The following INPP4B variants were observed in gnomAD, a reference collection of about 807,000 sequenced individuals.
The protein encoded by INPP4B is inositol polyphosphate 4-phosphatase type II.
INPP4B carries 55 observed loss-of-function variants against 122.5 expected under a neutral mutation model. The ratio of observed to expected loss-of-function variants is 0.45; its 90% CI spans 0.36 to 0.56. The LOEUF (loss-of-function observed/expected upper bound fraction) is 0.56, where lower values mean the gene tolerates loss of function less well. Among genes scored for constraint, INPP4B ranks in the 20% least tolerant of loss-of-function variants. INPP4B has a pLI of 0.00. For missense variants in INPP4B, 1,000 were observed against 1,097.7 expected (o/e 0.91, Z 1.26); for synonymous variants, 403 against 388.7 (o/e 1.04, Z -0.43).
chr4:142,518,905 A>G (rs1193318057), intron 2 of INPP4B: 4 of 152,190 alleles, frequency 2.6e-5, no homozygotes, highest in Non-Finnish European at 5.9e-5. Context: ...GCCAAGCTAG[A>G]ATCACTCAGC....
At chr4:142,642,626 T>G (rs1349518589) in intron 2 of INPP4B, among the ~76,000 whole-genome samples, 2 of 152,230 alleles carry the variant, frequency 1.3e-5, no homozygotes, top group Admixed American at 6.5e-5. Flanking sequence ...CATTGGTCTA[T>G]ATCTCTGTTT....
At chr4:142,371,102 AAG>A (rs1276909288) in intron 7 of INPP4B, among the ~76,000 whole-genome samples, 2 of 152,144 alleles carry the variant, frequency 1.3e-5, no homozygotes, top group Admixed American at 6.6e-5. Context: ...AATGGAACAG[AAG>A]AGAGAGCCCA....
At chr4:142,043,009 CT>C (rs1415728626) in intron 25 of INPP4B, among the ~76,000 whole-genome samples, 1 of 152,148 alleles carries the variant, frequency 6.6e-6, no homozygotes, top group Non-Finnish European at 1.5e-5. Context: ...TTCTCAAATA[CT>C]AACCTCTACT....
chr4:142,709,890 G>A (rs1017204413), intron 2 of INPP4B, among the ~76,000 whole-genome samples: 2 of 152,104 alleles, frequency 1.3e-5, no homozygotes, highest in African/African-American at 4.8e-5. Context: ...ATAAGCTTTA[G>A]CATTGCATTA....
At chr4:142,631,051 C>A (rs62331864) in intron 2 of INPP4B, among the ~76,000 whole-genome samples, 4,868 of 152,126 alleles carry the variant, frequency 0.032, 98 homozygotes, top group Middle Eastern at 0.048. Flanking sequence ...TTAAAAAATA[C>A]TATTTTACCA....
At chr4:142,469,879 T>A (rs1329177448) in intron 2 of INPP4B, among the ~76,000 whole-genome samples, 2 of 152,116 alleles carry the variant, frequency 1.3e-5, no homozygotes, top group African/African-American at 4.8e-5. Context: ...CTAAACCCAA[T>A]GTATAATAAA....
chr4:142,265,093 T>C (rs1171819163), intron 10 of INPP4B, among the ~76,000 whole-genome samples: 1 of 151,994 alleles, frequency 6.6e-6, no homozygotes, highest in Non-Finnish European at 1.5e-5. Context: ...TAAAAAGCCC[T>C]CACCAGGAAC....
intron 9 of INPP4B, among the ~76,000 whole-genome samples, chr4:142,293,036 T>TA (rs1233635959): frequency 8.4e-6 from 1 of 119,730 alleles, no homozygotes; most frequent in Non-Finnish European, 1.7e-5. Context: ...CTAATTTTTA[T>TA]ACCCTTTTTT....
At chr4:142,706,776 A>G (rs1373035) in intron 2 of INPP4B, among the ~76,000 whole-genome samples, 128,232 of 152,258 alleles carry the variant, frequency 0.84, 54,052 homozygotes, top group East Asian at 0.85. Context: ...GCTGGGTAAT[A>G]TAAGGGGCTG....
At chr4:142,638,394 T>C (rs1035867210) in intron 2 of INPP4B, among the ~76,000 whole-genome samples, 1 of 152,158 alleles carries the variant, frequency 6.6e-6, no homozygotes, top group Non-Finnish European at 1.5e-5. Context: ...GTGTCTAAAA[T>C]AATTTTTTGC....
chr4:142,696,373 A>G (rs1761029165), intron 2 of INPP4B, among the ~76,000 whole-genome samples: 1 of 152,120 alleles, frequency 6.6e-6, no homozygotes, highest in South Asian at 2.1e-4. Context: ...GCTCAAGGGA[A>G]CAATTATAAA....
chr4:142,647,710 C>T (rs907989484), intron 2 of INPP4B, among the ~76,000 whole-genome samples: 1 of 152,218 alleles, frequency 6.6e-6, no homozygotes, highest in Non-Finnish European at 1.5e-5. Flanking sequence ...CCCCTCTTTC[C>T]CTTATCAGCA....
At chr4:142,828,308 A>G (rs1781682145) in intron 1 of INPP4B, among the ~76,000 whole-genome samples, 2 of 152,172 alleles carry the variant, frequency 1.3e-5, no homozygotes, top group South Asian at 4.1e-4. Flanking sequence ...TGAGCCCCAT[A>G]TAGCTTACAC....
intron 2 of INPP4B, among the ~76,000 whole-genome samples, chr4:142,476,754 C>A (rs1405463607): frequency 6.6e-6 from 1 of 152,060 alleles, no homozygotes; most frequent in Non-Finnish European, 1.5e-5. Flanking sequence ...ACAAAAAGAC[C>A]TAACTATCCA....
At chr4:142,256,467 T>C (rs1736140459) in intron 11 of INPP4B, among the ~76,000 whole-genome samples, 1 of 151,002 alleles carries the variant, frequency 6.6e-6, no homozygotes, top group Non-Finnish European at 1.5e-5. Flanking sequence ...GCAAGACTAA[T>C]AAAGAAAAAA....
chr4:142,365,350 G>A (rs758702704), intron 7 of INPP4B, among the ~76,000 whole-genome samples: 15 of 152,118 alleles, frequency 9.9e-5, no homozygotes, highest in Non-Finnish European at 2.1e-4. Flanking sequence ...CTGAGATCAC[G>A]AAGAAGGAAT....
intron 1 of INPP4B, among the ~76,000 whole-genome samples, chr4:142,734,944 C>T (rs945417663): frequency 1.3e-5 from 2 of 152,064 alleles, no homozygotes; most frequent in African/African-American, 2.4e-5. Context: ...CATGCCTGGC[C>T]GATTTTTTAA....
In INPP4B at chr4:142,261,833, C is replaced by G. The variant is rs78710934; in HGVS notation, c.616-1269G>C. On this transcript the variant is annotated intron_variant, in intron 10 of 25. Transcript: ENST00000262992. ...TATAGTCTACTGCTTATTCCACAATCATAACATTCATCACATTACTCAGTA... is the reference window on the plus strand; with the variant it reads ...TATAGTCTACTGCTTATTCCACAATGATAACATTCATCACATTACTCAGTA... Among the ~76,000 whole-genome samples the G allele has an allele frequency of 5.1e-3, 773 of 152,282 alleles. 10 individuals are homozygous for G. Among genetic ancestry groups the G allele is most frequent in the African/African-American group, 0.018 (736 of 41,560 alleles).
chr4:142,792,572 G>T (rs1001778382), intron 1 of INPP4B, among the ~76,000 whole-genome samples: 1 of 151,924 alleles, frequency 6.6e-6, no homozygotes, highest in Non-Finnish European at 1.5e-5. Flanking sequence ...CTGCTCTAAG[G>T]TGAGTCTAAA....
Sources: allele counts gnomAD v4.1 joint callset (sites outside exome capture counted in the v4.1 genomes callset), GRCh38; gene constraint gnomAD v4.1.1; transcripts MANE v1.5; gene names NCBI Gene and HGNC (gene_info 2026-07-23, HGNC 2026-07-21).